The following SBF1 variants were observed in gnomAD, a reference collection of about 807,000 sequenced individuals.
The protein encoded by SBF1 is SET binding factor 1, also known as myotubularin-related protein 5.
In SBF1, 65 loss-of-function variants were observed where a neutral mutation model predicts 215.8. The observed-to-expected ratio is 0.30, with a 90% confidence interval of 0.25 to 0.37. The LOEUF is 0.37. SBF1 is among the 10% of genes least tolerant of loss of function. The pLI is 1.00. For missense variants in SBF1, 2,634 were observed against 2,667.8 expected, an observed-to-expected ratio of 0.99 and a Z score of 0.28; for synonymous variants, 1,410 against 1,122.8, an observed-to-expected ratio of 1.26 and a Z score of -5.11.
Position 50,445,758 on chromosome 22 carries a change from G to A in SBF1, c.*1384C>T, listed in dbSNP as rs1233302969. On this transcript the variant is annotated 3_prime_UTR_variant, in exon 41 of 41. Coordinates refer to ENST00000380817, the MANE Select transcript of SBF1 (RefSeq NM_002972.4). Reference sequence around the variant, plus strand: ...TCCCAACACCACCTGTGGGGTGGGGGAGGTGGCGGGACCATGCTGGGCCTG... The same window carrying A: ...TCCCAACACCACCTGTGGGGTGGGGAAGGTGGCGGGACCATGCTGGGCCTG... The A allele has an allele frequency of 6.6e-6, 1 of 152,258 alleles. No homozygotes were observed. Among genetic ancestry groups the A allele is most frequent in the African/African-American group, 2.4e-5 (1 of 41,440 alleles). The allele number at this position is 152,258 out of a possible 1,614,324, so 9.4% of individuals were successfully genotyped here.
chr22:50,447,494 G>T (rs963308468), intron 39 of SBF1, 28 bp downstream of exon 39: 40 of 1,609,474 alleles, frequency 2.5e-5, no homozygotes, highest in Non-Finnish European at 3.4e-5. Flanking sequence ...CCTCCCCCGT[G>T]AGTCCCCCCC....
rs754620551 is a variant in SBF1, at chr22:50,454,886, C to A, written c.4740G>T (p.Trp1580Cys). The A allele has an allele frequency of 6.2e-7, 1 of 1,614,130 alleles. No homozygotes were observed. Among genetic ancestry groups the A allele is most frequent in the East Asian group, 2.2e-5 (1 of 44,882 alleles). Residue 1580 changes from tryptophan (W) to cysteine (C), a missense_variant, in exon 35 of 41, where the codon TGG (tryptophan) becomes TGT (cysteine). Trp to Cys is a radical substitution (Grantham distance 215, BLOSUM62 -2). Coordinates refer to ENST00000380817, the MANE Select transcript of SBF1 (RefSeq NM_002972.4). ...TCTTGCTCAGCCGGTCCACATACTC[C>A]CACACAGACCTGCACGGCACCTGGC... is the stretch of plus-strand genomic sequence containing the variant. Reference protein sequence around the residue: ...RRGQVPCRSVWEYVDRLSKRT... With the variant: ...RRGQVPCRSVCEYVDRLSKRT...
chr22:50,454,398 CA>C, intron 36 of SBF1, 113 bp downstream of exon 36: 1 of 948,224 alleles, frequency 1.1e-6, no homozygotes, highest in South Asian at 1.5e-5. Flanking sequence ...CACCAACCCC[CA>C]GGGGTAACCG....
Position 50,456,409 on chromosome 22 carries a change from G to A in SBF1, c.4087-14C>T, listed in dbSNP as rs372953690. 154 of 1,610,394 alleles carry A rather than the reference G, an allele frequency of 9.6e-5. No homozygotes were observed. The Middle Eastern group carries it at 2.8e-3, about 29-fold the overall frequency. ...TGACCGCACACCCTGAAAAGAATCC[G>A]GACAAGTCCCGTGAGACACATGAGG... On this transcript the variant is annotated splice_polypyrimidine_tract_variant and intron_variant, in intron 30 of 40. Coordinates refer to ENST00000380817, the MANE Select transcript of SBF1 (RefSeq NM_002972.4).
At position 50,464,933 on chromosome 22, in the gene SBF1, G is replaced by T. The variant is rs754403535; in HGVS notation, c.1333-16C>A. On this transcript the variant is annotated splice_polypyrimidine_tract_variant and intron_variant, in intron 12 of 40. Coordinates refer to ENST00000380817, the MANE Select transcript of SBF1 (RefSeq NM_002972.4). ...GGGCCACCAGCTAGCGGGGTAAGCAGGAGGTTAGGTAAGCCATGGTCAGGC... is the reference window on the plus strand; with the variant it reads ...GGGCCACCAGCTAGCGGGGTAAGCATGAGGTTAGGTAAGCCATGGTCAGGC... 3 of 1,613,698 alleles carry T rather than the reference G, an allele frequency of 1.9e-6. No individual in the cohort carries two copies. The highest frequency in any genetic ancestry group is 2.5e-6 in the Non-Finnish European group (3 of 1,179,984).
At chr22:50,470,897 C>A (rs970372083) in intron 1 of SBF1, among the ~76,000 whole-genome samples, 1 of 152,204 alleles carries the variant, frequency 6.6e-6, no homozygotes, top group African/African-American at 2.4e-5. Flanking sequence ...CAGCTCTCCT[C>A]CTCACCCTTC....
At position 50,463,288 on chromosome 22, in the gene SBF1, G is replaced by T. The variant is rs774624333; in HGVS notation, c.1894C>A (p.Leu632Met). ...AGCAGGATAAGAGGCCTCACCTGCA[G>T]GCAGCAGTTCATCATACGGACGACA... is the stretch of plus-strand genomic sequence containing the variant. ...DFVVRMMNCC[L>M]QDCTSLDEHG... is the part of the protein sequence containing the mutation. Residue 632 changes from leucine (L) to methionine (M), a missense_variant, in exon 16 of 41, where the codon CTG becomes ATG. By Grantham distance (15) the Leu-to-Met change is conservative. Transcript: ENST00000380817. The T allele has an allele frequency of 1.2e-6, 2 of 1,613,540 alleles. No individual in the cohort carries two copies. The highest frequency in any genetic ancestry group is 2.2e-5 in the South Asian group (2 of 90,976).
intron 31 of SBF1, 147 bp from the exon 32 acceptor site, chr22:50,455,729 G>A (rs2067220653): frequency 1.5e-6 from 1 of 672,676 alleles, no homozygotes. Flanking sequence ...GCAGAGCACT[G>A]GACAAACACA....
chr22:50,456,146 G>A (rs755969574), intron 31 of SBF1, 70 bp downstream of exon 31: 69 of 1,502,406 alleles, frequency 4.6e-5, no homozygotes, highest in Non-Finnish European at 5.6e-5. Flanking sequence ...ACCTAGACCC[G>A]TCCACTTGGC....
chr22:50,459,955 C>T lies in SBF1; in HGVS notation c.3488G>A (p.Arg1163His), dbSNP rs568731072. The T allele has an allele frequency of 7.3e-5, 117 of 1,613,628 alleles. No individual in the cohort carries two copies. The highest frequency in any genetic ancestry group is 4.9e-4 in the Middle Eastern group (3 of 6,062). ...GCCAGCCCTGGCCGGCCCTCACCTG[C>T]GGCAGATGGCATACATGCGGTTGAC... Reference protein sequence around the residue: ...SPVNRMYAICRSYPGLLIVPQ... With the variant: ...SPVNRMYAICHSYPGLLIVPQ... The change falls in exon 26 of 41, where the codon CGC becomes CAC. Residue 1163 changes from arginine to histidine, a missense_variant. Arg to His is a conservative substitution (Grantham distance 29, BLOSUM62 0). Coordinates refer to ENST00000380817, the MANE Select transcript of SBF1 (RefSeq NM_002972.4).
In SBF1 at chr22:50,446,688, G is replaced by A. The variant is rs983557245; in HGVS notation, c.*454C>T. ...AGCTGGGTGGACCCAGGCACCAGGA[G>A]AGGCTCACGAGAAAGATGCCAACCT... On this transcript the variant is annotated 3_prime_UTR_variant, in exon 41 of 41. Transcript: ENST00000380817. The A allele has an allele frequency of 1.3e-5, 5 of 391,364 alleles. No individual in the cohort carries two copies. The highest frequency in any genetic ancestry group is 3.0e-5 in the Admixed American group (1 of 32,846). The allele number at this position is 391,364 out of a possible 1,614,324, so 24.2% of individuals were successfully genotyped here.
chr22:50,455,320 G>A lies in SBF1; in HGVS notation c.4458C>T (p.Phe1486=), dbSNP rs779140599. The A allele has an allele frequency of 4.9e-5, 79 of 1,613,260 alleles. No individual in the cohort carries two copies. Among genetic ancestry groups the A allele is most frequent in the South Asian group, 2.1e-4 (19 of 91,088 alleles). The change falls in exon 33 of 41, where the codon TTC becomes TTT. Residue 1486 remains phenylalanine, a synonymous_variant. Transcript: ENST00000380817. ...RLLVEKEWLS[F]GHRFSHRGAH... ...CTCCACGGTGGCTGAAGCGATGGCC[G>A]AAGGACAGCCACTCCTTCTCCACCA... is the stretch of plus-strand genomic sequence containing the variant.
rs1383614653 is a variant in SBF1, at chr22:50,468,391, G to A, written c.126C>T (p.Pro42=). 1 of 1,613,012 alleles carries A rather than the reference G, an allele frequency of 6.2e-7. No homozygotes were observed. Among genetic ancestry groups the A allele is most frequent in the African/African-American group, 1.3e-5 (1 of 74,972 alleles). ...CCCAACTCACCAGCTCGATGCCCTGGGGGAATGGGTTGTCCTCCCAGTCCT... is the reference window on the plus strand; with the variant it reads ...CCCAACTCACCAGCTCGATGCCCTGAGGGAATGGGTTGTCCTCCCAGTCCT... ...PEKDWEDNPF[P]QGIELFCQPS... is the part of the protein sequence containing the mutation. Residue 42 remains proline, a synonymous_variant, in exon 2 of 41, where the codon CCC becomes CCT. Transcript: ENST00000380817.
chr22:50,465,223 A>G lies in SBF1; in HGVS notation c.1195T>C (p.Phe399Leu). Reference sequence around the variant, plus strand: ...GCCACCAGGCACCCCACCTTATGGAAGCGGATGACAGGCTCCGGGTGGATG... The same window carrying G: ...GCCACCAGGCACCCCACCTTATGGAGGCGGATGACAGGCTCCGGGTGGATG... ...VRIHPEPVIR[F>L]HKAAFLGQRG... Residue 399 changes from phenylalanine (F) to leucine (L), a missense_variant, in exon 11 of 41, where the codon TTC becomes CTC. Phe to Leu is a conservative substitution (Grantham distance 22). Coordinates refer to ENST00000380817, the MANE Select transcript of SBF1 (RefSeq NM_002972.4). 6.2e-7 allele frequency: 1 copy of G among 1,612,626 alleles called. No individual in the cohort carries two copies. The highest frequency in any genetic ancestry group is 8.5e-7 in the Non-Finnish European group (1 of 1,179,472).
At position 50,459,401 on chromosome 22, in the gene SBF1, G is replaced by A; in HGVS notation, c.3689-9C>T. The A allele has an allele frequency of 6.2e-7, 1 of 1,611,968 alleles. No individual in the cohort carries two copies. Among genetic ancestry groups the A allele is most frequent in the South Asian group, 1.1e-5 (1 of 91,060 alleles). On this transcript the variant is annotated splice_polypyrimidine_tract_variant and intron_variant, in intron 27 of 40. Transcript: ENST00000380817. ...GTCCGCCTGGGACTGGCCTGGGGGA[G>A]GACACGGAGCTGAGGGAGGGGAGGG... is the stretch of plus-strand genomic sequence containing the variant.
chr22:50,471,519 G>A lies in SBF1; in HGVS notation c.56-3058C>T, dbSNP rs907394422. On this transcript the variant is annotated intron_variant, in intron 1 of 40. Coordinates refer to ENST00000380817, the MANE Select transcript of SBF1 (RefSeq NM_002972.4). ...CCCACAGTGCACGAAGACCAGCCCT[G>A]GCCGGCTCTGCTGCTTGTGGGGAAC... Among the ~76,000 whole-genome samples, 15 of 152,350 alleles carry A rather than the reference G, an allele frequency of 9.8e-5. No individual in the cohort carries two copies. In the East Asian group the frequency reaches 1.7e-3, roughly 18 times the overall value.
chr22:50,461,086 T>C lies in SBF1; in HGVS notation c.2967+73A>G, dbSNP rs536444279. The C allele has an allele frequency of 4.0e-5, 60 of 1,517,030 alleles. No homozygotes were observed. The South Asian group carries it at 6.8e-4, about 17-fold the overall frequency. The allele number at this position is 1,517,030 out of a possible 1,614,324, so 94.0% of individuals were successfully genotyped here. On this transcript the variant is annotated intron_variant, in intron 23 of 40. Coordinates refer to ENST00000380817, the MANE Select transcript of SBF1 (RefSeq NM_002972.4). ...TGGAGACTGGCCTAAAAATGGTTCA[T>C]ACAAGAAAGACCGGTTTGCAGGAGA...
At chr22:50,450,791 A>C (rs1170745403) in intron 36 of SBF1, among the ~76,000 whole-genome samples, 1 of 151,998 alleles carries the variant, frequency 6.6e-6, no homozygotes, top group Non-Finnish European at 1.5e-5. Flanking sequence ...GCGAGAATAA[A>C]ACCCAAGACT....
rs1039569285 is a variant in SBF1, at chr22:50,464,935, A to C, written c.1333-18T>G. 10 of 1,611,874 alleles carry C rather than the reference A, an allele frequency of 6.2e-6. No individual in the cohort carries two copies. The highest frequency in any genetic ancestry group is 8.5e-6 in the Non-Finnish European group (10 of 1,178,978). ...GCCACCAGCTAGCGGGGTAAGCAGG[A>C]GGTTAGGTAAGCCATGGTCAGGCGG... On this transcript the variant is annotated intron_variant, in intron 12 of 40. Coordinates refer to ENST00000380817, the MANE Select transcript of SBF1 (RefSeq NM_002972.4).
Sources: gnomAD v4.1 joint callset for allele counts (sites outside exome capture counted in the v4.1 genomes callset) on GRCh38, gnomAD v4.1.1 for gene constraint, MANE v1.5 for transcripts, NCBI Gene and HGNC (gene_info 2026-07-23, HGNC 2026-07-21) for gene names.